Variants in SLC6A9 observed in about 807,000 individuals in gnomAD.
SLC6A9 encodes solute carrier family 6 member 9.
SLC6A9 carries 31 observed loss-of-function variants against 70.9 expected under a neutral mutation model. That is an observed-to-expected ratio of 0.44 (90% confidence interval 0.33 to 0.59). The LOEUF (loss-of-function observed/expected upper bound fraction) is 0.59. Among genes scored for constraint, SLC6A9 ranks in the 20% least tolerant of loss-of-function variants. The probability of loss-of-function intolerance (pLI) is 0.04; values close to 1 mark genes in which losing one functional copy is unlikely to be tolerated. For synonymous variants in SLC6A9, 310 were observed against 341.3 expected, an observed-to-expected ratio of 0.91 and a Z score of 1.01; for missense variants, 631 against 845.2, an observed-to-expected ratio of 0.75 and a Z score of 3.14.
rs762010235 is a variant in SLC6A9 at position 44,024,308 on chromosome 1, G to A, written c.-31C>T. 5.0e-6 allele frequency: 8 copies of A among 1,613,774 alleles called. No homozygotes were observed. In the African/African-American group the frequency reaches 8.0e-5, roughly 16 times the overall value. ...CGGTGGGTTGGGGCTCTGGTGACGG[G>A]GACCACACTCACAGGCTCTGCTTCC... On this transcript the variant is annotated 5_prime_UTR_variant, in exon 2 of 14. Transcript: ENST00000372310.
chr1:43,998,002 G>C lies in SLC6A9; in HGVS notation c.1560C>G (p.Ile520Met). The C allele has an allele frequency of 6.2e-7, 1 of 1,613,676 alleles. No individual in the cohort carries two copies. The change falls in exon 13 of 14, where the codon ATC becomes ATG. Residue 520 changes from isoleucine to methionine, a missense_variant. Physicochemically the swap from Ile to Met is conservative, Grantham distance 10 (BLOSUM62 1). Coordinates refer to ENST00000372310, the MANE Select transcript of SLC6A9 (RefSeq NM_001024845.3). ...GGTTGTAGGTGATCGGCTGGTACTGGATCACAGTGAAAACTAGAATAAACT... is the reference window on the plus strand; with the variant it reads ...GGTTGTAGGTGATCGGCTGGTACTGCATCACAGTGAAAACTAGAATAAACT... ...IIFFILVFTV[I>M]QYQPITYNHY... is the part of the protein sequence containing the mutation.
At position 44,010,670 on chromosome 1, in the gene SLC6A9, C is replaced by A. The variant is rs139934890; in HGVS notation, c.187+56G>T. 5.7e-4 allele frequency: 889 copies of A among 1,564,978 alleles called. 8 individuals carry two copies. The African/African-American group carries it at 0.011, about 19-fold the overall frequency. ...GTGCCAGGGAGAGGGTGGCCCAGGC[C>A]CTGGTGGGTGGGCTCTACCCAAGTG... On this transcript the variant is annotated intron_variant, in intron 3 of 13. Coordinates refer to ENST00000372310, the MANE Select transcript of SLC6A9 (RefSeq NM_001024845.3).
intron 2 of SLC6A9, among the ~76,000 whole-genome samples, chr1:44,021,000 G>C (rs1357223281): frequency 6.6e-6 from 1 of 152,224 alleles, no homozygotes; most frequent in Non-Finnish European, 1.5e-5. Context: ...AACTGCCCAA[G>C]ACTCTGCATG....
chr1:44,023,693 G>A (rs2086929340), intron 2 of SLC6A9, among the ~76,000 whole-genome samples: 1 of 151,804 alleles, frequency 6.6e-6, no homozygotes, highest in Non-Finnish European at 1.5e-5. Flanking sequence ...TCTGTGTCTC[G>A]TGGCCTCACC....
rs778369164 is a variant in SLC6A9, at chr1:44,002,642, A to G, written c.728T>C (p.Val243Ala). ...GTAGGGGAACGTGGCCGTGAAGTAC[A>G]CCACCTGGCACAAGAGGGCTCCATG... ...IRGVKSSGKVVYFTATFPYVV... is the reference protein window; with the variant it reads ...IRGVKSSGKVAYFTATFPYVV... Residue 243 changes from valine to alanine, a missense_variant, in exon 7 of 14, where the codon GTG (valine) becomes GCG (alanine). Physicochemically the swap from Val to Ala is moderately conservative, Grantham distance 64. Transcript: ENST00000372310. This position sits in a 1 kb window ranked among gnomAD's most constrained non-coding sequence, Gnocchi z 5.5. 6.2e-7 allele frequency: 1 copy of G among 1,614,078 alleles called. No homozygotes were observed. Among genetic ancestry groups the G allele is most frequent in the South Asian group, 1.1e-5 (1 of 91,076 alleles).
intron 1 of SLC6A9, among the ~76,000 whole-genome samples, chr1:44,030,090 A>AG (rs1192443085): frequency 6.6e-6 from 1 of 152,034 alleles, no homozygotes; most frequent in Non-Finnish European, 1.5e-5. Context: ...CAGGCCCGAA[A>AG]GGGGGTGCGG....
rs567540438 is a variant in SLC6A9, at chr1:44,027,114, C to T, written c.-85-2752G>A. Among the ~76,000 whole-genome samples, 140 of 152,264 alleles carry T rather than the reference C, an allele frequency of 9.2e-4. 3 individuals carry two copies. In the South Asian group the frequency reaches 0.016, roughly 17 times the overall value. On this transcript the variant is annotated intron_variant, in intron 1 of 13. Transcript: ENST00000372310. ...TGCCCGTGGCGTCCAGTCTCTTCTA[C>T]GTGTGGAAGATCCACAACACCAGGC...
intron 2 of SLC6A9, among the ~76,000 whole-genome samples, chr1:44,021,480 G>A (rs1557694452): frequency 2.0e-5 from 3 of 152,208 alleles, no homozygotes; most frequent in Non-Finnish European, 2.9e-5. Context: ...GGATAACACA[G>A]GGTGTCTGCC....
chr1:44,024,290 T>C lies in SLC6A9; in HGVS notation c.-13A>G, dbSNP rs761031553. 4 of 1,614,154 alleles carry C rather than the reference T, an allele frequency of 2.5e-6. No homozygotes were observed. Among genetic ancestry groups the C allele is most frequent in the South Asian group, 1.1e-5 (1 of 91,082 alleles). On this transcript the variant is annotated 5_prime_UTR_variant, in exon 2 of 14. Transcript: ENST00000372310. ...CTTTTCCTACCATGGCGGCGGTGGG[T>C]TGGGGCTCTGGTGACGGGGACCACA...
At position 43,997,489 on chromosome 1, in the gene SLC6A9, A is replaced by G; in HGVS notation, c.*56T>C. 6.6e-7 allele frequency: 1 copy of G among 1,507,760 alleles called. No individual in the cohort carries two copies. Among genetic ancestry groups the G allele is most frequent in the Non-Finnish European group, 9.1e-7 (1 of 1,093,176 alleles). 93.4% of individuals were successfully genotyped at this position (1,507,760 alleles called of 1,614,324 possible). ...AGAGACACCTGGCCTCTGCCTCACC[A>G]GTCTCTGCGGTGGGAGCACGGGGTG... is the stretch of plus-strand genomic sequence containing the variant. On this transcript the variant is annotated 3_prime_UTR_variant, in exon 14 of 14. Transcript: ENST00000372310. The surrounding 1 kb of genome is among the most constrained non-coding windows in gnomAD (Gnocchi z 4.4).
intron 2 of SLC6A9, chr1:44,016,982 G>A (rs2086766679): frequency 8.0e-6 from 12 of 1,492,402 alleles, no homozygotes; most frequent in Admixed American, 7.1e-5. Flanking sequence ...CTCCCCATCC[G>A]CAGCCCAGCC....
chr1:44,011,830 C>T (rs939821252), intron 2 of SLC6A9: 2 of 1,109,348 alleles, frequency 1.8e-6, no homozygotes, highest in East Asian at 2.5e-5. Context: ...CCACTGAGGA[C>T]AGCCCCTTGT....
chr1:44,027,292 C>G (rs1474651319), intron 1 of SLC6A9, among the ~76,000 whole-genome samples: 1 of 152,166 alleles, frequency 6.6e-6, no homozygotes, highest in Non-Finnish European at 1.5e-5. Flanking sequence ...TATGTGATTT[C>G]GAGTAAGTTA....
rs144741950 is a variant in SLC6A9 at position 43,997,921 on chromosome 1, G to A, written c.1641C>T (p.Ser547=). 1,559 of 1,614,170 alleles carry A rather than the reference G, an allele frequency of 9.7e-4. 13 individuals carry two copies. The highest frequency in any genetic ancestry group is 9.5e-3 in the South Asian group (867 of 91,088). Residue 547 remains serine, a synonymous_variant, in exon 13 of 14, where the codon TCC becomes TCT. Transcript: ENST00000372310. The surrounding 1 kb of genome is among the most constrained non-coding windows in gnomAD (Gnocchi z 4.4). ...TGGCGTAGAGGGGGATGCAGAGGACGGAGGACAGAGCCATGAGGAAGCCAA... is the reference window on the plus strand; with the variant it reads ...TGGCGTAGAGGGGGATGCAGAGGACAGAGGACAGAGCCATGAGGAAGCCAA... ...VAIGFLMALS[S]VLCIPLYAMF...
intron 2 of SLC6A9, among the ~76,000 whole-genome samples, chr1:44,014,158 A>C (rs2086664512): frequency 6.8e-6 from 1 of 146,060 alleles, no homozygotes; most frequent in African/African-American, 2.5e-5. Flanking sequence ...GCTCACCCTC[A>C]CTCACTTGCT....
At position 44,000,883 on chromosome 1, in the gene SLC6A9, G is replaced by A. The variant is rs201050717; in HGVS notation, c.1436-16C>T. The A allele has an allele frequency of 6.9e-6, 11 of 1,599,240 alleles. No individual in the cohort carries two copies. The highest frequency in any genetic ancestry group is 9.4e-6 in the Non-Finnish European group (11 of 1,171,556). On this transcript the variant is annotated splice_polypyrimidine_tract_variant and intron_variant, in intron 11 of 13. Coordinates refer to ENST00000372310, the MANE Select transcript of SLC6A9 (RefSeq NM_001024845.3). Reference sequence around the variant, plus strand: ...TTCCGGTGCCCTGGAGAGATGGGGGGTCAGCAGACCCGCAGGACAGAGTGG... The same window carrying A: ...TTCCGGTGCCCTGGAGAGATGGGGGATCAGCAGACCCGCAGGACAGAGTGG...
At chr1:44,007,930 GC>G (rs1557678398) in intron 5 of SLC6A9, among the ~76,000 whole-genome samples, 1 of 140,308 alleles carries the variant, frequency 7.1e-6, no homozygotes. Flanking sequence ...TTGCTCTGTC[GC>G]CCAGGCTGAA....
intron 1 of SLC6A9, among the ~76,000 whole-genome samples, chr1:44,028,366 T>C (rs970955188): frequency 6.6e-6 from 1 of 152,154 alleles, no homozygotes; most frequent in Admixed American, 6.5e-5. Flanking sequence ...GGAGGAGCCA[T>C]TGGTGGAATG....
intron 5 of SLC6A9, among the ~76,000 whole-genome samples, chr1:44,006,203 C>T (rs1191019828): frequency 6.6e-6 from 1 of 152,012 alleles, no homozygotes; most frequent in South Asian, 2.1e-4. Context: ...AATATCTGCT[C>T]GTTCTCCCAT....
Sources: gnomAD v4.1 joint callset for allele counts (sites outside exome capture counted in the v4.1 genomes callset) on GRCh38, gnomAD v4.1.1 for gene constraint, Gnocchi (gnomAD v3.1) non-coding constraint, MANE v1.5 for transcripts, NCBI Gene and HGNC (gene_info 2026-07-23, HGNC 2026-07-21) for gene names.